PRL: variants seen among roughly 807,000 people sequenced by gnomAD.
PRL encodes the protein decidual prolactin.
PRL carries 24 observed loss-of-function variants against 21.3 expected under a neutral mutation model. That is an observed-to-expected ratio of 1.13 (90% CI 0.82 to 1.59). The LOEUF is 1.59. PRL is among the 40% of genes most tolerant of loss of function. The pLI, the probability that PRL is intolerant of heterozygous loss-of-function variation, is 0.00. For missense variants in PRL, 243 were observed against 286.9 expected, an observed-to-expected ratio of 0.85 and a Z score of 1.10; for synonymous variants, 118 against 115.7, an observed-to-expected ratio of 1.02 and a Z score of -0.13.
chr6:22,290,091 C>A, intron 4 of PRL, 83 bp downstream of exon 4: 1 of 1,325,644 alleles, frequency 7.5e-7, no homozygotes, highest in Non-Finnish European at 9.9e-7. Flanking sequence ...AAATTTCCTT[C>A]TTTCAAAGGG....
rs150813632 is a variant in PRL at position 22,288,925 on chromosome 6, C to T, written c.492+1249G>A. Among the ~76,000 whole-genome samples the T allele has an allele frequency of 8.7e-4, 128 of 147,428 alleles. 1 individual carries two copies. Among genetic ancestry groups the T allele is most frequent in the African/African-American group, 2.1e-3 (83 of 39,880 alleles). On this transcript the variant is annotated intron_variant, in intron 4 of 4. Transcript: ENST00000306482. The surrounding 1 kb of genome is among the most constrained non-coding windows in gnomAD (Gnocchi z 4.5). ...GTGCGCGCGCGTGTGTGTGCGTGCGCGTGTGTGTGCATGTGTGTGTGCGTG... is the reference window on the plus strand; with the variant it reads ...GTGCGCGCGCGTGTGTGTGCGTGCGTGTGTGTGTGCATGTGTGTGTGCGTG...
upstream of PRL, chr6:22,297,249 T>G (rs73389191): frequency 7.0e-3 from 3,502 of 501,776 alleles, 79 homozygotes; most frequent in African/African-American, 0.058. Flanking sequence ...TTTGATTAAT[T>G]AGGCCAAAAG....
chr6:22,298,136 T>C (rs974680112), upstream of PRL, among the ~76,000 whole-genome samples: 6 of 152,184 alleles, frequency 3.9e-5, no homozygotes, highest in Non-Finnish European at 7.3e-5. Flanking sequence ...ACTGAAATTC[T>C]AGCCAGTAAT....
chr6:22,299,710 G>T (rs1019567542), upstream of PRL, among the ~76,000 whole-genome samples: 1 of 151,970 alleles, frequency 6.6e-6, no homozygotes, highest in African/African-American at 2.4e-5. Context: ...GTGGTGGCAG[G>T]CGCCTGTAGT....
At chr6:22,298,508 C>T (rs3756824), upstream of PRL, among the ~76,000 whole-genome samples, 1 of 152,104 alleles carries the variant, frequency 6.6e-6, no homozygotes, top group East Asian at 1.9e-4. Flanking sequence ...TAGCAATTAT[C>T]TGACTAAGTG....
intron 2 of PRL, 83 bp downstream of exon 2, chr6:22,294,326 G>T: frequency 6.5e-7 from 1 of 1,529,490 alleles, no homozygotes; most frequent in Non-Finnish European, 9.0e-7. Context: ...TGGCTCGGGA[G>T]GTTTTCTAGG....
Position 22,293,865 on chromosome 6 carries a change from C to T in PRL, c.204+544G>A, listed in dbSNP as rs190933167. Among the ~76,000 whole-genome samples, 115 of 152,296 alleles carry T rather than the reference C, an allele frequency of 7.6e-4. 1 individual carries two copies. The highest frequency in any genetic ancestry group is 6.7e-3 in the Admixed American group (102 of 15,304). On this transcript the variant is annotated intron_variant, in intron 2 of 4. Coordinates refer to ENST00000306482, the MANE Select transcript of PRL (RefSeq NM_000948.6). ...GCACTGGTTTCCAATTCTAAACTAGCCCTTTATTGTAATTATAAACCCATA... is the reference window on the plus strand; with the variant it reads ...GCACTGGTTTCCAATTCTAAACTAGTCCTTTATTGTAATTATAAACCCATA...
Position 22,296,937 on chromosome 6 carries a change from G to C in PRL, c.28+18C>G. 1 of 1,612,886 alleles carries C rather than the reference G, an allele frequency of 6.2e-7. No individual in the cohort carries two copies. ...GAGTGTTGATACAACCAACAACGCA[G>C]TGAGTTGTCACACATACCTTTCCAT... On this transcript the variant is annotated intron_variant, in intron 1 of 4. Transcript: ENST00000306482.
rs1330215192 is a variant in PRL at position 22,290,160 on chromosome 6, A to G, written c.492+14T>C. 2.6e-6 allele frequency: 4 copies of G among 1,548,700 alleles called. No individual in the cohort carries two copies. In the African/African-American group the frequency reaches 5.4e-5, roughly 21 times the overall value. The stretch of plus-strand genomic sequence containing the variant: ...TTAATGAGAAAAACAAAGAAGCACC[A>G]GGAGGCTGCTCACCTGGCTGACTAT... On this transcript the variant is annotated intron_variant, in intron 4 of 4. Coordinates refer to ENST00000306482, the MANE Select transcript of PRL (RefSeq NM_000948.6).
chr6:22,294,268 T>A, intron 2 of PRL, 141 bp downstream of exon 2: 1 of 899,754 alleles, frequency 1.1e-6, no homozygotes, highest in Admixed American at 2.3e-5. Flanking sequence ...TTCCACATCT[T>A]ATGAGCTGGT....
At chr6:22,297,660 G>A (rs1033200674), upstream of PRL, among the ~76,000 whole-genome samples, 4 of 152,130 alleles carry the variant, frequency 2.6e-5, no homozygotes, top group Admixed American at 2.6e-4. Flanking sequence ...TATCTGTATG[G>A]TACTTTGAAT....
chr6:22,302,248 T>C (rs1761294560), upstream of PRL, among the ~76,000 whole-genome samples: 1 of 151,736 alleles, frequency 6.6e-6, no homozygotes. Flanking sequence ...ACCTTTTAAG[T>C]TGTCAGAAAA....
In PRL at chr6:22,287,455, C is replaced by T. The variant is rs148157654; in HGVS notation, c.631G>A (p.Asp211Asn). 31 of 1,613,842 alleles carry T rather than the reference C, an allele frequency of 1.9e-5. No individual in the cohort carries two copies. Among genetic ancestry groups the T allele is most frequent in the East Asian group, 4.5e-5 (2 of 44,856 alleles). ...HCLRRDSHKI[D>N]NYLKLLKCRI... ...CACTTCAGGAGCTTGAGATAATTGT[C>T]GATTTTATGTGAATCCCTGCGTAGG... The change falls in exon 5 of 5, where the codon GAC (aspartate) becomes AAC (asparagine). Residue 211 changes from aspartate (D) to asparagine (N), a missense_variant. By Grantham distance (23) the Asp-to-Asn change is conservative. Transcript: ENST00000306482.
chr6:22,291,984 G>A (rs998354640), intron 3 of PRL, among the ~76,000 whole-genome samples: 1 of 152,112 alleles, frequency 6.6e-6, no homozygotes, highest in East Asian at 1.9e-4. Context: ...TATTTTTTGT[G>A]AGGGGAGTGG....
upstream of PRL, among the ~76,000 whole-genome samples, chr6:22,299,817 T>C (rs1382479107): frequency 3.3e-5 from 5 of 152,014 alleles, no homozygotes; most frequent in Non-Finnish European, 7.4e-5. Flanking sequence ...CCAGCCTGGG[T>C]GACAGAGGGA....
intron 4 of PRL, 142 bp from the exon 5 acceptor site, chr6:22,287,735 G>A (rs866005375): frequency 4.1e-6 from 3 of 740,378 alleles, no homozygotes; most frequent in Middle Eastern, 7.5e-4. Context: ...TTGTATATCT[G>A]GGCCAGTGTA....
chr6:22,302,718 G>T (rs1761304372), intron 1 of PRL, among the ~76,000 whole-genome samples: 1 of 152,136 alleles, frequency 6.6e-6, no homozygotes, highest in Non-Finnish European at 1.5e-5. Flanking sequence ...AAAGGAGTAT[G>T]ATCTGAAATG....
rs1328932193 is a variant in PRL, at chr6:22,290,272, C to T, written c.394G>A (p.Gly132Ser). The T allele has an allele frequency of 1.9e-6, 3 of 1,612,600 alleles. No homozygotes were observed. The highest frequency in any genetic ancestry group is 1.7e-5 in the Admixed American group (1 of 60,010). ...ATAGCCTCCGGGGCTTCTTGCATACCACGTACTTCCGTGACCAGATGATAC... is the reference window on the plus strand; with the variant it reads ...ATAGCCTCCGGGGCTTCTTGCATACTACGTACTTCCGTGACCAGATGATAC... Reference protein sequence around the residue: ...PLYHLVTEVRGMQEAPEAILS... With the variant: ...PLYHLVTEVRSMQEAPEAILS... Residue 132 changes from glycine to serine, a missense_variant, in exon 4 of 5, where the codon GGT becomes AGT. Gly to Ser is a moderately conservative substitution (Grantham distance 56). Transcript: ENST00000306482.
Position 22,294,532 on chromosome 6 carries a change from G to T in PRL, c.81C>A (p.Ala27=). The change falls in exon 2 of 5, where the codon GCC becomes GCA. Residue 27 remains alanine, a synonymous_variant. Coordinates refer to ENST00000306482, the MANE Select transcript of PRL (RefSeq NM_000948.6). ...VSNLLLCQSV[A]PLPICPGGAA... ...CCCCGCCGGGACAGATGGGCAAGGGGGCCACGCTCTGGCACAGGAGCAGGT... is the reference window on the plus strand; with the variant it reads ...CCCCGCCGGGACAGATGGGCAAGGGTGCCACGCTCTGGCACAGGAGCAGGT... 6.2e-7 allele frequency: 1 copy of T among 1,613,772 alleles called. No individual in the cohort carries two copies. The highest frequency in any genetic ancestry group is 8.5e-7 in the Non-Finnish European group (1 of 1,179,896).
Sources: allele counts gnomAD v4.1 joint callset (sites outside exome capture counted in the v4.1 genomes callset), GRCh38; gene constraint gnomAD v4.1.1; non-coding constraint Gnocchi (gnomAD v3.1); transcripts MANE v1.5; gene names NCBI Gene and HGNC (gene_info 2026-07-23, HGNC 2026-07-21).